Variants in FIRRM observed in about 807,000 individuals in gnomAD.
The protein encoded by FIRRM is FIGNL1 interacting regulator of recombination and mitosis.
chr1:169,802,385 A>C, the FIRRM span, among the ~76,000 whole-genome samples: 1 of 152,208 alleles, frequency 6.6e-6, no homozygotes, highest in African/African-American at 2.4e-5. Flanking sequence ...AATAGATTCA[A>C]ACCATAGAAA....
the FIRRM span, chr1:169,850,360 T>C: frequency 6.5e-7 from 1 of 1,545,542 alleles, no homozygotes; most frequent in Non-Finnish European, 8.9e-7. Flanking sequence ...TTTCTTTACA[T>C]GGCTCATGTT....
the FIRRM span, among the ~76,000 whole-genome samples, chr1:169,811,855 A>G: frequency 1.3e-5 from 2 of 151,930 alleles, no homozygotes; most frequent in African/African-American, 4.8e-5. Context: ...CTAAATAGAT[A>G]ATAGATAGAT....
chr1:169,786,873 G>A, the FIRRM span, among the ~76,000 whole-genome samples: 1 of 152,136 alleles, frequency 6.6e-6, no homozygotes, highest in Non-Finnish European at 1.5e-5. Context: ...GTAGCCTTAG[G>A]AAGATCTGAG....
chr1:169,804,702 G>T, the FIRRM span, among the ~76,000 whole-genome samples: 1 of 151,186 alleles, frequency 6.6e-6, no homozygotes, highest in South Asian at 2.1e-4. Context: ...TTATTTTTTT[G>T]AGACAGAGTC....
At chr1:169,850,385 A>AT in the FIRRM span, 75,895 of 998,220 alleles carry the variant, frequency 0.076, no homozygotes, top group South Asian at 0.099. Context: ...TCTTTGTCCT[A>AT]TTTTTTTTTT....
the FIRRM span, among the ~76,000 whole-genome samples, chr1:169,816,057 G>A: frequency 2.6e-5 from 4 of 152,202 alleles, no homozygotes; most frequent in East Asian, 1.9e-4. Flanking sequence ...GTAAGTGTTC[G>A]ATTTAATAAA....
the FIRRM span, among the ~76,000 whole-genome samples, chr1:169,798,315 T>C: frequency 6.6e-6 from 1 of 151,556 alleles, no homozygotes; most frequent in Non-Finnish European, 1.5e-5. Flanking sequence ...TCGCCTATGC[T>C]GGAGTGCAAT....
the FIRRM span, among the ~76,000 whole-genome samples, chr1:169,822,826 G>A: frequency 2.6e-5 from 4 of 152,204 alleles, no homozygotes; most frequent in East Asian, 1.9e-4. Context: ...TACAGTTATC[G>A]CTACTGTTCT....
At chr1:169,821,592 T>C in the FIRRM span, 1 of 1,007,600 alleles carries the variant, frequency 9.9e-7, no homozygotes, top group Non-Finnish European at 1.4e-6. Context: ...TTTTTGTTTT[T>C]AGAAAATATT....
chr1:169,814,060 A>G, the FIRRM span, among the ~76,000 whole-genome samples: 1 of 152,182 alleles, frequency 6.6e-6, no homozygotes, highest in African/African-American at 2.4e-5. Flanking sequence ...GTTTATCCTT[A>G]GGGCTTTCTG....
the FIRRM span, among the ~76,000 whole-genome samples, chr1:169,798,361 A>G: frequency 1.3e-5 from 2 of 149,850 alleles, no homozygotes; most frequent in African/African-American, 2.5e-5. Context: ...TCTGCCTCCC[A>G]GTTTCAAGTG....
the FIRRM span, among the ~76,000 whole-genome samples, chr1:169,841,471 G>A: frequency 6.6e-6 from 1 of 152,144 alleles, no homozygotes; most frequent in African/African-American, 2.4e-5. Context: ...AAGTATAATA[G>A]ATTCAAGGCA....
the FIRRM span, chr1:169,821,535 A>G: frequency 2.0e-6 from 1 of 488,006 alleles, no homozygotes; most frequent in Non-Finnish European, 3.5e-6. Context: ...GAGGAGTTAT[A>G]TTTTCTCGGA....
chr1:169,800,284 G>C, the FIRRM span, among the ~76,000 whole-genome samples: 28 of 151,144 alleles, frequency 1.9e-4, no homozygotes, highest in Non-Finnish European at 3.8e-4. Flanking sequence ...GGCTCAGACA[G>C]TCCTCCCGCC....
the FIRRM span, chr1:169,792,631 A>C: frequency 6.2e-7 from 1 of 1,600,496 alleles, no homozygotes; most frequent in Non-Finnish European, 8.5e-7. Flanking sequence ...ATCCTTCATC[A>C]ATTATTTTGA....
the FIRRM span, among the ~76,000 whole-genome samples, chr1:169,791,848 C>T: frequency 2.8e-3 from 425 of 152,294 alleles, no homozygotes; most frequent in Non-Finnish European, 4.2e-3. Flanking sequence ...AATGTGGTAA[C>T]GTGAAAATTT....
the FIRRM span, among the ~76,000 whole-genome samples, chr1:169,839,041 C>T: frequency 6.6e-6 from 1 of 152,116 alleles, no homozygotes; most frequent in African/African-American, 2.4e-5. Flanking sequence ...ATTTGGTTTT[C>T]TGTTCCTTTG....
At chr1:169,785,531 C>T in the FIRRM span, among the ~76,000 whole-genome samples, 2 of 152,070 alleles carry the variant, frequency 1.3e-5, no homozygotes, top group African/African-American at 4.8e-5. Flanking sequence ...ATGATATTCT[C>T]CTGGAGTTTG....
the FIRRM span, chr1:169,792,930 T>C: frequency 6.2e-7 from 1 of 1,614,146 alleles, no homozygotes; most frequent in Non-Finnish European, 8.5e-7. Flanking sequence ...TGTGTTACTT[T>C]TGGTTTCCTG....
Sources: allele counts gnomAD v4.1 joint callset (sites outside exome capture counted in the v4.1 genomes callset), GRCh38; gene constraint gnomAD v4.1.1; transcripts MANE v1.5; gene names NCBI Gene and HGNC (gene_info 2026-07-23, HGNC 2026-07-21).